Variants in TNS3 observed in about 807,000 individuals in gnomAD.
TNS3 encodes the protein tensin 3.
In TNS3, 45 loss-of-function variants were observed where a neutral mutation model predicts 140.9. That is an observed-to-expected ratio of 0.32 (90% CI 0.25 to 0.41). The LOEUF is 0.41. TNS3 is among the 10% of genes least tolerant of loss of function. The probability of loss-of-function intolerance (pLI) is 1.00; values close to 1 mark genes in which losing one functional copy is unlikely to be tolerated. For missense variants in TNS3, 1,716 were observed against 1,906.7 expected (o/e 0.90, Z 1.86); for synonymous variants, 815 against 788.4 (o/e 1.03, Z -0.56).
intron 6 of TNS3, among the ~76,000 whole-genome samples, chr7:47,437,971 G>A (rs1795272747): frequency 6.6e-6 from 1 of 151,076 alleles, no homozygotes; most frequent in East Asian, 1.9e-4. Flanking sequence ...AAAAGCCATG[G>A]CCTAAGTTCA....
intron 1 of TNS3, among the ~76,000 whole-genome samples, chr7:47,568,364 G>A (rs549446533): frequency 3.9e-5 from 6 of 152,270 alleles, no homozygotes; most frequent in South Asian, 4.1e-4. Context: ...TCTGAGAGGC[G>A]TGATCGGAAG....
At chr7:47,282,014 CCT>C (rs1251905448) in intron 28 of TNS3, among the ~76,000 whole-genome samples, 1 of 151,512 alleles carries the variant, frequency 6.6e-6, no homozygotes. Context: ...CTGGCCATGC[CCT>C]GAGCCTGACC....
At chr7:47,301,633 G>GAA (rs113898295) in intron 23 of TNS3, among the ~76,000 whole-genome samples, 4 of 95,844 alleles carry the variant, frequency 4.2e-5, no homozygotes, top group Non-Finnish European at 4.9e-5. Context: ...TTTCAAATTA[G>GAA]AAAAAAAAAA....
chr7:47,286,850 G>T (rs1224145001), intron 27 of TNS3, among the ~76,000 whole-genome samples: 1 of 152,154 alleles, frequency 6.6e-6, no homozygotes, highest in Non-Finnish European at 1.5e-5. Context: ...TAAAAACCAT[G>T]GGTAAACTTA....
chr7:47,339,270 TCTTTGCCTA>T (rs1788808091), intron 20 of TNS3, among the ~76,000 whole-genome samples: 1 of 152,234 alleles, frequency 6.6e-6, no homozygotes, highest in Admixed American at 6.5e-5. Flanking sequence ...ACCTCATAAC[TCTTTGCCTA>T]GTGATCCCAA....
intron 23 of TNS3, among the ~76,000 whole-genome samples, chr7:47,297,785 GTTT>G (rs768611066): frequency 2.9e-5 from 4 of 136,290 alleles, no homozygotes; most frequent in Non-Finnish European, 3.2e-5. Flanking sequence ...AAGGAAAGAA[GTTT>G]TTTTTTTTTT....
At chr7:47,384,457 G>C (rs1016972909) in intron 16 of TNS3, among the ~76,000 whole-genome samples, 8 of 152,194 alleles carry the variant, frequency 5.3e-5, no homozygotes, top group Admixed American at 3.3e-4. Context: ...CTTGGTCCAG[G>C]TTCAAACACT....
Position 47,304,893 on chromosome 7 carries a change from GA to G in TNS3, c.2760del (p.Gln921SerfsTer84). On this transcript the variant is annotated frameshift_variant, in exon 21 of 31. Transcript: ENST00000311160. LOFTEE classifies it high-confidence loss of function. ...GTGCAGGAAGAAGCAAAAGCCTGCT[GA>G]AAGGAGGGCGTCGAGGACGCATCAG... Reference protein sequence around the residue: ...LRADASSTPSFQQAFASSCTI... With the variant: ...LRADASSTPSXQQAFASSCTI... The G allele has an allele frequency of 7.0e-7, 1 of 1,420,142 alleles. No homozygotes were observed. Among genetic ancestry groups the G allele is most frequent in the Non-Finnish European group, 9.3e-7 (1 of 1,074,508 alleles). The allele number at this position is 1,420,142 out of a possible 1,614,324, so 88.0% of individuals were successfully genotyped here. A position where few individuals can be genotyped will look rare whatever the true frequency, so the allele number is the denominator to read the frequency against.
chr7:47,302,749 C>T (rs1182987288), intron 22 of TNS3, among the ~76,000 whole-genome samples: 3 of 152,194 alleles, frequency 2.0e-5, no homozygotes, highest in African/African-American at 7.2e-5. Context: ...AACACAGAAG[C>T]CAAGAAGAGT....
At chr7:47,538,835 C>G (rs1445161779) in intron 1 of TNS3, among the ~76,000 whole-genome samples, 1 of 152,166 alleles carries the variant, frequency 6.6e-6, no homozygotes, top group Non-Finnish European at 1.5e-5. Context: ...TTCATTCCTT[C>G]ATTCATTTTT....
chr7:47,530,292 G>C (rs1799345137), intron 1 of TNS3, among the ~76,000 whole-genome samples: 1 of 152,216 alleles, frequency 6.6e-6, no homozygotes, highest in African/African-American at 2.4e-5. Context: ...AAGCACAGGT[G>C]AATGAACTTG....
chr7:47,416,639 G>A (rs1375828882), intron 10 of TNS3, among the ~76,000 whole-genome samples: 1 of 152,134 alleles, frequency 6.6e-6, no homozygotes, highest in Non-Finnish European at 1.5e-5. Context: ...GGGACCCTGT[G>A]AGGCTGATGA....
At chr7:47,404,756 C>A (rs889349224) in intron 13 of TNS3, among the ~76,000 whole-genome samples, 1 of 151,990 alleles carries the variant, frequency 6.6e-6, no homozygotes, top group Admixed American at 6.5e-5. Context: ...TGGGGGCAGG[C>A]GCCTGTAGTC....
chr7:47,358,329 A>G (rs1196331798), intron 17 of TNS3, among the ~76,000 whole-genome samples: 2 of 151,888 alleles, frequency 1.3e-5, no homozygotes, highest in Admixed American at 6.6e-5. Flanking sequence ...AGTAGAGATG[A>G]GGTTTCATCA....
At chr7:47,290,507 A>T (rs1463171109) in intron 27 of TNS3, among the ~76,000 whole-genome samples, 3 of 152,248 alleles carry the variant, frequency 2.0e-5, no homozygotes, top group African/African-American at 7.2e-5. Context: ...TAACAATAAG[A>T]AAACAAAACC....
At chr7:47,448,258 GA>G (rs917438858) in intron 4 of TNS3, among the ~76,000 whole-genome samples, 32 of 152,350 alleles carry the variant, frequency 2.1e-4, no homozygotes, top group African/African-American at 7.5e-4. Flanking sequence ...AGGGAGGAGG[GA>G]AGAGTGAAAG....
intron 2 of TNS3, among the ~76,000 whole-genome samples, chr7:47,519,294 C>T (rs1798885251): frequency 6.9e-6 from 1 of 145,678 alleles, no homozygotes; most frequent in Admixed American, 6.9e-5. Context: ...GAGAATGTCT[C>T]TGCATCTCCA....
intron 3 of TNS3, among the ~76,000 whole-genome samples, chr7:47,491,323 G>A (rs2151828351): frequency 6.6e-6 from 1 of 152,326 alleles, no homozygotes; most frequent in African/African-American, 2.4e-5. Flanking sequence ...CTCTGTCTTT[G>A]CATCCAGAGA....
intron 1 of TNS3, among the ~76,000 whole-genome samples, chr7:47,546,499 T>TG (rs1799925497): frequency 6.6e-6 from 1 of 152,230 alleles, no homozygotes; most frequent in Non-Finnish European, 1.5e-5. Context: ...GGTGAGGTGC[T>TG]GAGGCTGGGA....
Sources: gnomAD v4.1 joint callset for allele counts (sites outside exome capture counted in the v4.1 genomes callset) on GRCh38, gnomAD v4.1.1 for gene constraint, MANE v1.5 for transcripts, NCBI Gene and HGNC (gene_info 2026-07-23, HGNC 2026-07-21) for gene names.